Variants in DOK5 observed in about 807,000 individuals in gnomAD.
DOK5 encodes docking protein 5, also known as downstream of tyrosine kinase 5.
A neutral mutation model predicts 43.3 loss-of-function variants in DOK5; 27 were observed. That is an observed-to-expected ratio of 0.62 (90% CI 0.46 to 0.86). The LOEUF is 0.86. Ranked by LOEUF, DOK5 falls within the 40% of genes least tolerant of loss-of-function variation. The pLI is 0.00. For synonymous variants in DOK5, 146 were observed against 140.1 expected (o/e 1.04, Z -0.30); for missense variants, 373 against 392.9 (o/e 0.95, Z 0.43).
intron 1 of DOK5, among the ~76,000 whole-genome samples, chr20:54,525,571 T>C (rs1983547899): frequency 6.6e-6 from 1 of 152,202 alleles, no homozygotes; most frequent in South Asian, 2.1e-4. Context: ...GCAGATCTGG[T>C]CTTGAGATGT....
At chr20:54,608,281 C>T (rs1986535244) in intron 5 of DOK5, among the ~76,000 whole-genome samples, 1 of 151,778 alleles carries the variant, frequency 6.6e-6, no homozygotes, top group African/African-American at 2.4e-5. Flanking sequence ...ATACAGTGAC[C>T]TCTGCCCCAG....
intron 2 of DOK5, among the ~76,000 whole-genome samples, chr20:54,567,277 T>G (rs993056157): frequency 6.6e-6 from 1 of 152,156 alleles, no homozygotes; most frequent in Non-Finnish European, 1.5e-5. Flanking sequence ...CCTAAAGATT[T>G]TCTTGTTTTT....
intron 6 of DOK5, among the ~76,000 whole-genome samples, chr20:54,627,933 A>G (rs1235607731): frequency 6.6e-6 from 1 of 152,188 alleles, no homozygotes; most frequent in Non-Finnish European, 1.5e-5. Context: ...TCAAGAAGAA[A>G]CAAGGGATGG....
intron 6 of DOK5, among the ~76,000 whole-genome samples, chr20:54,617,335 T>C (rs543517395): frequency 1.3e-5 from 2 of 152,278 alleles, no homozygotes; most frequent in Admixed American, 6.5e-5. Flanking sequence ...TCGATTTTTT[T>C]TTCTTTTTTT....
chr20:54,579,989 T>C (rs970579198), intron 2 of DOK5, among the ~76,000 whole-genome samples: 2 of 152,198 alleles, frequency 1.3e-5, no homozygotes, highest in East Asian at 1.9e-4. Context: ...GTCCATGTGT[T>C]AGCCTTGTTC....
chr20:54,511,031 G>A (rs1982998257), intron 1 of DOK5, among the ~76,000 whole-genome samples: 1 of 152,120 alleles, frequency 6.6e-6, no homozygotes, highest in South Asian at 2.1e-4. Context: ...TTTTCTACGG[G>A]CTCAATGCTG....
intron 1 of DOK5, among the ~76,000 whole-genome samples, chr20:54,491,520 A>T (rs1982176049): frequency 6.6e-6 from 1 of 152,168 alleles, no homozygotes; most frequent in South Asian, 2.1e-4. Flanking sequence ...GGCCAGGGTG[A>T]GAAGGGCCCA....
At chr20:54,640,792 A>C (rs1438008132) in intron 6 of DOK5, among the ~76,000 whole-genome samples, 1 of 152,246 alleles carries the variant, frequency 6.6e-6, no homozygotes, top group Admixed American at 6.5e-5. Flanking sequence ...CTGTTAAATT[A>C]AATAGAATCT....
chr20:54,556,279 A>G (rs1468006289), intron 2 of DOK5, among the ~76,000 whole-genome samples: 1 of 152,094 alleles, frequency 6.6e-6, no homozygotes, highest in African/African-American at 2.4e-5. Context: ...ACCCACTTAT[A>G]CCTTTTTGAG....
At chr20:54,587,136 C>G (rs1302028712) in intron 2 of DOK5, among the ~76,000 whole-genome samples, 1 of 152,018 alleles carries the variant, frequency 6.6e-6, no homozygotes, top group Non-Finnish European at 1.5e-5. Flanking sequence ...TAAAAATAAA[C>G]AAACACATCA....
At chr20:54,575,243 A>G (rs1200366786) in intron 2 of DOK5, among the ~76,000 whole-genome samples, 2 of 152,220 alleles carry the variant, frequency 1.3e-5, no homozygotes, top group African/African-American at 4.8e-5. Context: ...TCAGAGTTAC[A>G]AAGAAACTCA....
chr20:54,547,394 T>A (rs952949288), intron 1 of DOK5, among the ~76,000 whole-genome samples: 3 of 152,194 alleles, frequency 2.0e-5, no homozygotes, highest in African/African-American at 7.2e-5. Flanking sequence ...ATTTTCTTCA[T>A]AACAGTCCTT....
intron 6 of DOK5, among the ~76,000 whole-genome samples, chr20:54,638,752 C>CTTTT (rs11476340): frequency 1.5e-3 from 148 of 98,006 alleles, no homozygotes; most frequent in Non-Finnish European, 1.8e-3. Context: ...CTTTTCTTTT[C>CTTTT]TTTTTTTTTT....
chr20:54,566,144 A>C (rs1600705910), intron 2 of DOK5, among the ~76,000 whole-genome samples: 3 of 135,054 alleles, frequency 2.2e-5, no homozygotes, highest in African/African-American at 2.9e-5. Flanking sequence ...TCCCATTTCT[A>C]CAGTTTTTTT....
intron 7 of DOK5, among the ~76,000 whole-genome samples, chr20:54,649,757 G>T (rs1017837163): frequency 6.6e-6 from 1 of 152,210 alleles, no homozygotes; most frequent in African/African-American, 2.4e-5. Flanking sequence ...TTATTAGGAC[G>T]ACATTCATTA....
intron 5 of DOK5, among the ~76,000 whole-genome samples, chr20:54,599,641 G>A (rs1457718074): frequency 1.3e-5 from 2 of 152,174 alleles, no homozygotes; most frequent in African/African-American, 2.4e-5. Flanking sequence ...AAGAAAGGAT[G>A]ACTTTTTTCT....
intron 6 of DOK5, among the ~76,000 whole-genome samples, chr20:54,632,804 C>A (rs1978631633): frequency 6.6e-6 from 1 of 152,180 alleles, no homozygotes; most frequent in Admixed American, 6.5e-5. Context: ...TGGCCGGGAG[C>A]AGTGGCTCAC....
intron 5 of DOK5, among the ~76,000 whole-genome samples, chr20:54,608,411 A>G (rs544995185): frequency 6.6e-6 from 1 of 152,344 alleles, no homozygotes; most frequent in East Asian, 1.9e-4. Context: ...ACCTTACAGA[A>G]TTGGATGCCA....
Position 54,632,206 on chromosome 20 carries a change from G to C in DOK5, c.736-11252G>C, listed in dbSNP as rs544842594. On this transcript the variant is annotated intron_variant, in intron 6 of 7. Coordinates refer to ENST00000262593, the MANE Select transcript of DOK5 (RefSeq NM_018431.5). ...TGCCTATAGTAACATCTTAACTCAG[G>C]CTTGTTCCTTGGATTCATTGTACAC... Among the ~76,000 whole-genome samples the C allele has an allele frequency of 7.9e-5, 12 of 152,180 alleles. No homozygotes were observed. In the East Asian group the frequency reaches 2.1e-3, roughly 27 times the overall value.
Sources: allele counts gnomAD v4.1 joint callset (sites outside exome capture counted in the v4.1 genomes callset), GRCh38; gene constraint gnomAD v4.1.1; transcripts MANE v1.5; gene names NCBI Gene and HGNC (gene_info 2026-07-23, HGNC 2026-07-21).